The following ZNF382 variants were observed in gnomAD, a reference collection of about 807,000 sequenced individuals.
The protein encoded by ZNF382 is KRAB/zinc finger suppressor protein 1.
Under a neutral mutation model 38.8 loss-of-function variants are expected in ZNF382, and 20 were observed. The ratio of observed to expected loss-of-function variants is 0.51; its 90% CI spans 0.36 to 0.75. ZNF382 has a LOEUF of 0.75. Among genes scored for constraint, ZNF382 ranks in the 30% least tolerant of loss-of-function variants. The pLI is 0.00. For missense variants in ZNF382, 546 were observed against 654.1 expected (o/e 0.83, Z 1.80); for synonymous variants, 202 against 223.1 (o/e 0.91, Z 0.84).
intron 4 of ZNF382, among the ~76,000 whole-genome samples, chr19:36,617,699 A>G (rs2037136313): frequency 6.6e-6 from 1 of 152,154 alleles, no homozygotes; most frequent in African/African-American, 2.4e-5. Flanking sequence ...GGGAGGGGGC[A>G]GTGATGGGAA....
intron 2 of ZNF382, 178 bp from the exon 3 acceptor site, chr19:36,609,724 G>T: frequency 1.7e-6 from 1 of 578,740 alleles, no homozygotes; most frequent in Non-Finnish European, 2.7e-6. Context: ...TCACATTCAG[G>T]ACAAATAGTG....
intron 1 of ZNF382, among the ~76,000 whole-genome samples, chr19:36,605,996 G>C (rs557677307): frequency 6.6e-6 from 1 of 152,276 alleles, no homozygotes; most frequent in South Asian, 2.1e-4. Flanking sequence ...GATTGACTGT[G>C]ACTCTGCATG....
chr19:36,617,808 G>A (rs2037137284), intron 4 of ZNF382, among the ~76,000 whole-genome samples: 1 of 152,122 alleles, frequency 6.6e-6, no homozygotes, highest in South Asian at 2.1e-4. Context: ...GGGTTGGTGA[G>A]GAGAGATATC....
In ZNF382 at chr19:36,626,086, G is replaced by A. The variant is rs112933014; in HGVS notation, c.233-44G>A. 6.2e-4 allele frequency: 885 copies of A among 1,426,428 alleles called. 3 individuals carry two copies. In the African/African-American group the frequency reaches 0.012, roughly 19 times the overall value. 88.4% of individuals were successfully genotyped at this position (1,426,428 alleles called of 1,614,324 possible). On this transcript the variant is annotated intron_variant, in intron 4 of 4. Coordinates refer to ENST00000292928, the MANE Select transcript of ZNF382 (RefSeq NM_032825.5). ...TGTCTGTATGTATACCCAATCCATA[G>A]CATTTATGTGAAGACTCACAGTGTT...
At chr19:36,622,209 C>T (rs3096634) in intron 4 of ZNF382, among the ~76,000 whole-genome samples, 3,869 of 151,896 alleles carry the variant, frequency 0.025, 157 homozygotes, top group African/African-American at 0.088. Context: ...TGAGTGGAGA[C>T]GGGGTTTCAC....
Position 36,626,604 on chromosome 19 carries a change from G to A in ZNF382, c.707G>A (p.Gly236Glu), listed in dbSNP as rs757161962. 6.2e-7 allele frequency: 1 copy of A among 1,614,126 alleles called. No homozygotes were observed. The highest frequency in any genetic ancestry group is 1.3e-5 in the African/African-American group (1 of 75,032). Residue 236 changes from glycine (G) to glutamate (E), a missense_variant, in exon 5 of 5, where the codon GGA (glycine) becomes GAA (glutamate). Gly to Glu is a moderately conservative substitution (Grantham distance 98, BLOSUM62 -2). Transcript: ENST00000292928. ...TTTACACATACTAGAGCTCACAGAG[G>A]AGAAAGAACCTTTGAATACAATAAA... is the stretch of plus-strand genomic sequence containing the variant. ...MLFTHTRAHR[G>E]ERTFEYNKDG...
At chr19:36,611,724 G>A (rs558685967) in intron 4 of ZNF382, among the ~76,000 whole-genome samples, 22 of 152,262 alleles carry the variant, frequency 1.4e-4, no homozygotes, top group African/African-American at 4.6e-4. Flanking sequence ...TCACCATACT[G>A]TTTTCTATAG....
chr19:36,614,725 A>G (rs2037107147), intron 4 of ZNF382, among the ~76,000 whole-genome samples: 2 of 152,130 alleles, frequency 1.3e-5, no homozygotes, highest in Admixed American at 1.3e-4. Flanking sequence ...TCAGAATTCA[A>G]GACCAGCCTG....
chr19:36,609,872 C>G, intron 2 of ZNF382, 30 bp from the exon 3 acceptor site: 1 of 1,559,660 alleles, frequency 6.4e-7, no homozygotes, highest in Non-Finnish European at 8.7e-7. Flanking sequence ...TCTCCAATAT[C>G]TAGTTCTCAC....
In ZNF382 at chr19:36,611,548, CA is replaced by C. The variant is rs2037078185; in HGVS notation, c.232+807del. Among the ~76,000 whole-genome samples, 2 of 152,144 alleles carry C rather than the reference CA, an allele frequency of 1.3e-5. 1 individual carries two copies. Among genetic ancestry groups the C allele is most frequent in the Admixed American group, 1.3e-4 (2 of 15,266 alleles). The stretch of plus-strand genomic sequence containing the variant: ...ATATTTTGCTTATTCATTCATCCGT[CA>C]GTGGTCCGTTGGGTTCCTTCCATCT... On this transcript the variant is annotated intron_variant, in intron 4 of 4. Coordinates refer to ENST00000292928, the MANE Select transcript of ZNF382 (RefSeq NM_032825.5).
In ZNF382 at chr19:36,632,391, T is replaced by C. The variant is rs1239235742; in HGVS notation, c.*4841T>C. On this transcript the variant is annotated 3_prime_UTR_variant, in exon 5 of 5. Transcript: ENST00000292928. ...TTTTAGTAGAGACAGGGTTTCTCCA[T>C]GTTGGCCAGGCTGGTCTCGAAGTCC... The C allele has an allele frequency of 6.6e-6, 1 of 152,216 alleles. No individual in the cohort carries two copies. Among genetic ancestry groups the C allele is most frequent in the Non-Finnish European group, 1.5e-5 (1 of 68,064 alleles). The allele number at this position is 152,216 out of a possible 1,614,324, so 9.4% of individuals were successfully genotyped here. A position where few individuals can be genotyped will look rare whatever the true frequency, so the allele number is the denominator to read the frequency against.
chr19:36,613,454 G>A (rs1314145706), intron 4 of ZNF382, among the ~76,000 whole-genome samples: 24 of 135,114 alleles, frequency 1.8e-4, no homozygotes, highest in African/African-American at 5.2e-4. Flanking sequence ...ACAGAGTTCC[G>A]CTCTTGTTGC....
chr19:36,633,610 G>A lies in ZNF382; in HGVS notation c.*6060G>A, dbSNP rs1395046022. The A allele has an allele frequency of 2.6e-5, 4 of 151,908 alleles. No individual in the cohort carries two copies. The highest frequency in any genetic ancestry group is 4.8e-5 in the African/African-American group (2 of 41,342). 9.4% of individuals were successfully genotyped at this position (151,908 alleles called of 1,614,324 possible). A position where few individuals can be genotyped will look rare whatever the true frequency, so the allele number is the denominator to read the frequency against. ...TTATCCTAGAGAAATGAAAAATTAT[G>A]TGCACACAGAAACCTGTACATGAGT... On this transcript the variant is annotated 3_prime_UTR_variant, in exon 5 of 5. Transcript: ENST00000292928.
At position 36,626,588 on chromosome 19, in the gene ZNF382, A is replaced by G. The variant is rs150193342; in HGVS notation, c.691A>G (p.Thr231Ala). Residue 231 changes from threonine (T) to alanine (A), a missense_variant, in exon 5 of 5, where the codon ACT (threonine) becomes GCT (alanine). Transcript: ENST00000292928. ...GATGAAAGGAATGCTATTTACACAT[A>G]CTAGAGCTCACAGAGGAGAAAGAAC... Reference protein sequence around the residue: ...FLMKGMLFTHTRAHRGERTFE... With the variant: ...FLMKGMLFTHARAHRGERTFE... 0.012 allele frequency: 19,505 copies of G among 1,614,176 alleles called. 158 individuals are homozygous for G. The highest frequency in any genetic ancestry group is 0.013 in the Non-Finnish European group (15,780 of 1,180,006).
intron 3 of ZNF382, 92 bp from the exon 4 acceptor site, chr19:36,610,558 T>A: frequency 1.1e-6 from 1 of 916,482 alleles, no homozygotes; most frequent in Admixed American, 2.2e-5. Flanking sequence ...AATGTATACC[T>A]CATTTACTAC....
At chr19:36,623,393 G>A (rs191879353) in intron 4 of ZNF382, among the ~76,000 whole-genome samples, 98 of 152,214 alleles carry the variant, frequency 6.4e-4, no homozygotes, top group Non-Finnish European at 1.1e-3. Context: ...TAGAATGATC[G>A]TGTTAAAATC....
At chr19:36,624,534 T>A (rs910715110) in intron 4 of ZNF382, among the ~76,000 whole-genome samples, 30 of 152,316 alleles carry the variant, frequency 2.0e-4, no homozygotes, top group Non-Finnish European at 3.5e-4. Flanking sequence ...TAATTTTTTT[T>A]AAATAGTTAA....
In ZNF382 at chr19:36,631,641, C is replaced by G. The variant is rs2037255063; in HGVS notation, c.*4091C>G. On this transcript the variant is annotated 3_prime_UTR_variant, in exon 5 of 5. Transcript: ENST00000292928. ...GACCTCGTGATCCACCCGCCTCGGC[C>G]TCTCAAAGTGCTGGGATTACAGGTG... 1 of 152,162 alleles carries G rather than the reference C, an allele frequency of 6.6e-6. No homozygotes were observed. Among genetic ancestry groups the G allele is most frequent in the Admixed American group, 6.5e-5 (1 of 15,272 alleles). The allele number at this position is 152,162 out of a possible 1,614,324, so 9.4% of individuals were successfully genotyped here. A position where few individuals can be genotyped will look rare whatever the true frequency, so the allele number is the denominator to read the frequency against.
rs762503435 is a variant in ZNF382 at position 36,609,989 on chromosome 19, C to A, written c.75C>A (p.Asp25Glu). 39 of 1,613,758 alleles carry A rather than the reference C, an allele frequency of 2.4e-5. No individual in the cohort carries two copies. Among genetic ancestry groups the A allele is most frequent in the Non-Finnish European group, 3.3e-5 (39 of 1,179,968 alleles). ...CCCAGGAGGAGTGGCAGCAACTAGACCCTGCTCAGAAGGCGCTTTACAGGG... is the reference window on the plus strand; with the variant it reads ...CCCAGGAGGAGTGGCAGCAACTAGAACCTGCTCAGAAGGCGCTTTACAGGG... The part of the protein sequence containing the change: ...DFTQEEWQQL[D>E]PAQKALYRDV... Residue 25 changes from aspartate (D) to glutamate (E), a missense_variant, in exon 3 of 5, where the codon GAC becomes GAA. Asp to Glu is a conservative substitution (Grantham distance 45, BLOSUM62 2). Coordinates refer to ENST00000292928, the MANE Select transcript of ZNF382 (RefSeq NM_032825.5).
Sources: gnomAD v4.1 joint callset for allele counts (sites outside exome capture counted in the v4.1 genomes callset) on GRCh38, gnomAD v4.1.1 for gene constraint, MANE v1.5 for transcripts, NCBI Gene and HGNC (gene_info 2026-07-23, HGNC 2026-07-21) for gene names.